The following CAMK4 variants were observed in gnomAD, a reference collection of about 807,000 sequenced individuals.
The protein encoded by CAMK4 is calcium/calmodulin dependent protein kinase IV, also known as calcium/calmodulin-dependent protein kinase type IV.
CAMK4 carries 22 observed loss-of-function variants against 44.9 expected under a neutral mutation model. The ratio of observed to expected loss-of-function variants is 0.49; its 90% CI spans 0.35 to 0.70. The LOEUF is 0.70. CAMK4 is among the 30% of genes least tolerant of loss of function. The pLI, the probability that CAMK4 is intolerant of heterozygous loss-of-function variation, is 0.01. For missense variants in CAMK4, 498 were observed against 586.8 expected, an observed-to-expected ratio of 0.85 and a Z score of 1.56; for synonymous variants, 218 against 215.4, an observed-to-expected ratio of 1.01 and a Z score of -0.11.
chr5:111,269,873 AG>A (rs1750429046), intron 1 of CAMK4: 1 of 152,268 alleles, frequency 6.6e-6, no homozygotes, highest in South Asian at 2.1e-4. Context: ...GCCACTAACC[AG>A]TCTGTCCCGT....
At chr5:111,392,458 A>G (rs1443059598) in intron 4 of CAMK4, among the ~76,000 whole-genome samples, 1 of 152,128 alleles carries the variant, frequency 6.6e-6, no homozygotes, top group South Asian at 2.1e-4. Flanking sequence ...TTGGGTGGGA[A>G]CACAAATCCA....
chr5:111,358,415 C>T (rs1398649208), intron 2 of CAMK4, among the ~76,000 whole-genome samples: 1 of 151,994 alleles, frequency 6.6e-6, no homozygotes, highest in African/African-American at 2.4e-5. Context: ...GAATATGTCA[C>T]AGGATAAATT....
chr5:111,335,695 C>G (rs1280508550), intron 1 of CAMK4, among the ~76,000 whole-genome samples: 1 of 151,248 alleles, frequency 6.6e-6, no homozygotes, highest in Non-Finnish European at 1.5e-5. Context: ...AATATTATAT[C>G]TGGAGCCTTC....
intron 5 of CAMK4, among the ~76,000 whole-genome samples, chr5:111,443,269 TATATATATATACAC>T (rs1243879682): frequency 0.014 from 715 of 51,126 alleles, 7 homozygotes; most frequent in African/African-American, 0.041. Context: ...TATATATATA[TATATATATATACAC>T]ACACACACAC....
rs149568685 is a variant in CAMK4 at position 111,343,932 on chromosome 5, TG to T, written c.162-89del. The T allele has an allele frequency of 1.6e-3, 1,167 of 714,096 alleles. 13 individuals are homozygous for T. The African/African-American group carries it at 0.018, about 11-fold the overall frequency. The allele number at this position is 714,096 out of a possible 1,614,324, so 44.2% of individuals were successfully genotyped here. On this transcript the variant is annotated intron_variant, in intron 1 of 10. Transcript: ENST00000282356. ...TTATAATAAGCACTTGTCAGTTATG[TG>T]GGTTATTGCAAGATACACTTATTTT... is the stretch of plus-strand genomic sequence containing the variant.
At chr5:111,402,171 T>C (rs543899377) in intron 5 of CAMK4, among the ~76,000 whole-genome samples, 316 of 152,294 alleles carry the variant, frequency 2.1e-3, no homozygotes, top group Non-Finnish European at 3.9e-3. Context: ...TGCCACTCTC[T>C]CTCCCTCATG....
chr5:111,450,870 C>A (rs545551872), intron 7 of CAMK4, among the ~76,000 whole-genome samples: 33 of 151,948 alleles, frequency 2.2e-4, no homozygotes, highest in African/African-American at 7.0e-4. Context: ...TATCGAAAGC[C>A]ACCATGGAAA....
chr5:111,336,928 T>A (rs1402795118), intron 1 of CAMK4, among the ~76,000 whole-genome samples: 1 of 151,228 alleles, frequency 6.6e-6, no homozygotes, highest in Non-Finnish European at 1.5e-5. Context: ...TTTTAAACAA[T>A]ATAGTTCTTT....
intron 1 of CAMK4, among the ~76,000 whole-genome samples, chr5:111,315,863 A>G (rs1748400084): frequency 6.6e-6 from 1 of 152,128 alleles, no homozygotes; most frequent in African/African-American, 2.4e-5. Context: ...GAAGGGCTGC[A>G]ATGCCATAGC....
chr5:111,324,889 T>A (rs1255342245), intron 1 of CAMK4, among the ~76,000 whole-genome samples: 3 of 152,010 alleles, frequency 2.0e-5, no homozygotes, highest in Non-Finnish European at 4.4e-5. Context: ...AACATGCAGG[T>A]TTGTTACATA....
intron 2 of CAMK4, among the ~76,000 whole-genome samples, chr5:111,369,365 G>A (rs892842011): frequency 6.6e-6 from 1 of 152,034 alleles, no homozygotes; most frequent in Admixed American, 6.6e-5. Context: ...ACACCCAGCT[G>A]ATACAAAATT....
chr5:111,336,929 A>G (rs1415800826), intron 1 of CAMK4, among the ~76,000 whole-genome samples: 1 of 151,198 alleles, frequency 6.6e-6, no homozygotes, highest in African/African-American at 2.4e-5. Flanking sequence ...TTTAAACAAT[A>G]TAGTTCTTTT....
intron 1 of CAMK4, among the ~76,000 whole-genome samples, chr5:111,308,782 T>C (rs746004419): frequency 2.6e-5 from 4 of 152,234 alleles, no homozygotes; most frequent in Non-Finnish European, 5.9e-5. Context: ...GTGCCTTCTG[T>C]AATCTTAAAA....
intron 5 of CAMK4, among the ~76,000 whole-genome samples, chr5:111,419,263 A>G (rs1752931601): frequency 1.3e-5 from 2 of 151,516 alleles, no homozygotes; most frequent in Non-Finnish European, 2.9e-5. Flanking sequence ...GTCTGTTCAA[A>G]TCCTTCGCCC....
chr5:111,308,661 C>T (rs1401346943), intron 1 of CAMK4, among the ~76,000 whole-genome samples: 1 of 152,114 alleles, frequency 6.6e-6, no homozygotes, highest in African/African-American at 2.4e-5. Context: ...TTCAGTTTGA[C>T]TCAGATTTCA....
chr5:111,399,097 C>G lies in CAMK4; in HGVS notation c.459+4315C>G, dbSNP rs1453108962. On this transcript the variant is annotated intron_variant, in intron 5 of 10. Transcript: ENST00000282356. ...TCACATTGAAAGTAAAAAAAAAAATCAAAATGCCTTAACATATCGTAGGAT... is the reference window on the plus strand; with the variant it reads ...TCACATTGAAAGTAAAAAAAAAAATGAAAATGCCTTAACATATCGTAGGAT... 3.3e-5 allele frequency among the ~76,000 whole-genome samples: 5 copies of G among 151,978 alleles called. No individual in the cohort carries two copies. The South Asian group carries it at 1.0e-3, about 32-fold the overall frequency.
In CAMK4 at chr5:111,394,796, A is replaced by G; in HGVS notation, c.459+14A>G. On this transcript the variant is annotated intron_variant, in intron 5 of 10. Transcript: ENST00000282356. The stretch of plus-strand genomic sequence containing the variant: ...GAGGCAGTTGCTGTAAGTATGAAGT[A>G]ACAGCAATGGTGTAACTCTTAGTCA... 1 of 1,536,616 alleles carries G rather than the reference A, an allele frequency of 6.5e-7. No homozygotes were observed. Among genetic ancestry groups the G allele is most frequent in the Non-Finnish European group, 9.0e-7 (1 of 1,109,840 alleles).
intron 5 of CAMK4, among the ~76,000 whole-genome samples, chr5:111,416,829 CTAA>C (rs1580723825): frequency 6.6e-6 from 1 of 152,022 alleles, no homozygotes; most frequent in Non-Finnish European, 1.5e-5. Context: ...TACCATAATA[CTAA>C]TGTTATAATT....
At chr5:111,333,417 A>G (rs1043696899) in intron 1 of CAMK4, among the ~76,000 whole-genome samples, 12 of 148,764 alleles carry the variant, frequency 8.1e-5, no homozygotes, top group African/African-American at 2.7e-4. Context: ...GAAGCAAACA[A>G]AGAGGACTGA....
Sources: gnomAD v4.1 joint callset for allele counts (sites outside exome capture counted in the v4.1 genomes callset) on GRCh38, gnomAD v4.1.1 for gene constraint, MANE v1.5 for transcripts, NCBI Gene and HGNC (gene_info 2026-07-23, HGNC 2026-07-21) for gene names.